KLHL29: variants seen among roughly 807,000 people sequenced by gnomAD.
KLHL29 encodes kelch-like protein 29.
Under a neutral mutation model 80.4 loss-of-function variants are expected in KLHL29, and 21 were observed. That is an observed-to-expected ratio of 0.26 (90% CI 0.19 to 0.38). The LOEUF (loss-of-function observed/expected upper bound fraction) is 0.38. Among genes scored for constraint, KLHL29 ranks in the 10% least tolerant of loss-of-function variants. The pLI, the probability that KLHL29 is intolerant of heterozygous loss-of-function variation, is 1.00. For synonymous variants in KLHL29, 511 were observed against 526.8 expected, an observed-to-expected ratio of 0.97 and a Z score of 0.41; for missense variants, 867 against 1,223.9, an observed-to-expected ratio of 0.71 and a Z score of 4.35.
At chr2:23,544,656 T>A (rs1247736941) in intron 2 of KLHL29, among the ~76,000 whole-genome samples, 1 of 152,092 alleles carries the variant, frequency 6.6e-6, no homozygotes. Context: ...TACAATAGGA[T>A]GGGCAGAGAA....
rs1302893526 is a variant in KLHL29, at chr2:23,467,816, C to T, written c.-153-7744C>T. Among the ~76,000 whole-genome samples, 5 of 152,084 alleles carry T rather than the reference C, an allele frequency of 3.3e-5. No homozygotes were observed. The East Asian group carries it at 7.7e-4, about 23-fold the overall frequency. On this transcript the variant is annotated intron_variant, in intron 1 of 13. Transcript: ENST00000486442. ...AGAGCTGGAGGGAGCGGAGAGTGGT[C>T]GCTGACCAGTGTGAAACCAACCCAG... is the stretch of plus-strand genomic sequence containing the variant.
intron 2 of KLHL29, among the ~76,000 whole-genome samples, chr2:23,477,295 G>T (rs778369777): frequency 6.6e-6 from 1 of 152,254 alleles, no homozygotes; most frequent in African/African-American, 2.4e-5. Flanking sequence ...CTCCTGCCAC[G>T]TCCAGATTCT....
chr2:23,659,154 T>C (rs1003068938), intron 5 of KLHL29, among the ~76,000 whole-genome samples: 1 of 152,048 alleles, frequency 6.6e-6, no homozygotes, highest in African/African-American at 2.4e-5. Context: ...TACCAGAAAA[T>C]TGTCATAACG....
In KLHL29 at chr2:23,424,205, T is replaced by G. The variant is rs545842825; in HGVS notation, c.-154+38425T>G. On this transcript the variant is annotated intron_variant, in intron 1 of 13. Transcript: ENST00000486442. ...GGAAATGCATCAGATTTAAATTACC[T>G]ATTGTAAAAGTCAGCCAATAATTCC... Among the ~76,000 whole-genome samples, 3 of 152,342 alleles carry G rather than the reference T, an allele frequency of 2.0e-5. No homozygotes were observed. The East Asian group carries it at 5.8e-4, about 29-fold the overall frequency.
chr2:23,478,113 C>T (rs1664686109), intron 2 of KLHL29, among the ~76,000 whole-genome samples: 1 of 152,174 alleles, frequency 6.6e-6, no homozygotes. Context: ...GAACTCAAGT[C>T]TGTCTTCCCT....
intron 3 of KLHL29, among the ~76,000 whole-genome samples, chr2:23,623,736 T>G (rs1163742222): frequency 6.6e-6 from 1 of 152,204 alleles, no homozygotes; most frequent in East Asian, 1.9e-4. Flanking sequence ...AGTGGACATG[T>G]GCACACTTGT....
intron 2 of KLHL29, among the ~76,000 whole-genome samples, chr2:23,506,055 C>G (rs1270940497): frequency 6.6e-6 from 1 of 152,220 alleles, no homozygotes; most frequent in African/African-American, 2.4e-5. Flanking sequence ...GCTTCATTAC[C>G]AGCCACTCTG....
At chr2:23,428,609 G>A (rs906483192) in intron 1 of KLHL29, among the ~76,000 whole-genome samples, 7 of 152,034 alleles carry the variant, frequency 4.6e-5, no homozygotes, top group Admixed American at 6.6e-5. Flanking sequence ...CCTACCCCCC[G>A]CCACACACAC....
intron 2 of KLHL29, among the ~76,000 whole-genome samples, chr2:23,524,767 C>A (rs904436806): frequency 2.0e-5 from 3 of 152,228 alleles, no homozygotes; most frequent in Admixed American, 6.5e-5. Context: ...TGAAGGACTT[C>A]ATGGTGAGCA....
intron 3 of KLHL29, among the ~76,000 whole-genome samples, chr2:23,574,614 A>G (rs538397890): frequency 6.6e-6 from 1 of 152,288 alleles, no homozygotes; most frequent in South Asian, 2.1e-4. Flanking sequence ...AAGCTTTGGA[A>G]ATAGTGGTGA....
chr2:23,443,558 A>G (rs1438137), intron 1 of KLHL29, among the ~76,000 whole-genome samples: 15,907 of 152,254 alleles, frequency 0.1, 1,653 homozygotes, highest in East Asian at 0.29. Flanking sequence ...AATGTCCCAC[A>G]TAGTACATTT....
At position 23,417,172 on chromosome 2, in the gene KLHL29, GCTCCATCCT is replaced by G. The variant is rs146593227; in HGVS notation, c.-154+31396_-154+31404del. Among the ~76,000 whole-genome samples the G allele has an allele frequency of 9.2e-5, 14 of 151,980 alleles. No homozygotes were observed. In the East Asian group the frequency reaches 2.7e-3, roughly 29 times the overall value. On this transcript the variant is annotated intron_variant, in intron 1 of 13. Transcript: ENST00000486442. Reference sequence around the variant, plus strand: ...CCACCAAGACCCCTGCTTGGTTCAGGCTCCATCCTCTCTTAAGGGATTTGACAGCAACCT... The same window carrying G: ...CCACCAAGACCCCTGCTTGGTTCAGGCTCTTAAGGGATTTGACAGCAACCT...
intron 1 of KLHL29, among the ~76,000 whole-genome samples, chr2:23,388,185 G>T: frequency 6.6e-6 from 1 of 152,172 alleles, no homozygotes; most frequent in Non-Finnish European, 1.5e-5. Context: ...CATACTTCAA[G>T]TACTCAGTGT....
chr2:23,468,993 G>A (rs904566668), intron 1 of KLHL29, among the ~76,000 whole-genome samples: 4 of 152,350 alleles, frequency 2.6e-5, no homozygotes, highest in Non-Finnish European at 4.4e-5. Context: ...AAAACCGGCC[G>A]GGAGCCAAGT....
chr2:23,447,767 A>G (rs1663743730), intron 1 of KLHL29, among the ~76,000 whole-genome samples: 1 of 152,236 alleles, frequency 6.6e-6, no homozygotes, highest in African/African-American at 2.4e-5. Context: ...CTAAACTGAC[A>G]TGAGGCCATT....
chr2:23,654,111 G>A (rs757931482), intron 5 of KLHL29, among the ~76,000 whole-genome samples: 1 of 152,036 alleles, frequency 6.6e-6, no homozygotes, highest in Non-Finnish European at 1.5e-5. Context: ...AGGTTGCAGT[G>A]AGCCAAGATC....
chr2:23,529,378 G>T (rs1666426571), intron 2 of KLHL29, among the ~76,000 whole-genome samples: 1 of 152,192 alleles, frequency 6.6e-6, no homozygotes, highest in Admixed American at 6.5e-5. Context: ...GCCTCCCAAG[G>T]CACTGGGATT....
intron 2 of KLHL29, among the ~76,000 whole-genome samples, chr2:23,534,463 G>A (rs930963106): frequency 2.6e-5 from 4 of 151,814 alleles, no homozygotes; most frequent in East Asian, 1.9e-4. Flanking sequence ...AATCCTTTGC[G>A]TCCTTTCAGA....
intron 3 of KLHL29, among the ~76,000 whole-genome samples, chr2:23,627,286 C>T (rs1337411473): frequency 6.6e-6 from 1 of 152,216 alleles, no homozygotes; most frequent in Non-Finnish European, 1.5e-5. Flanking sequence ...CAATTCTGAA[C>T]CAAGGTGGGG....
Sources: allele counts gnomAD v4.1 joint callset (sites outside exome capture counted in the v4.1 genomes callset), GRCh38; gene constraint gnomAD v4.1.1; transcripts MANE v1.5; gene names NCBI Gene and HGNC (gene_info 2026-07-23, HGNC 2026-07-21).